The following ZNF618 variants were observed in gnomAD, a reference collection of about 807,000 sequenced individuals.
The protein encoded by ZNF618 is neural precursor cell expressed, developmentally down-regulated 10.
In ZNF618, 34 loss-of-function variants were observed where a neutral mutation model predicts 103.0. The observed-to-expected ratio is 0.33, with a 90% confidence interval of 0.25 to 0.44. ZNF618 has a LOEUF of 0.44. Ranked by LOEUF, ZNF618 falls within the 20% of genes least tolerant of loss-of-function variation. The pLI, the probability that ZNF618 is intolerant of heterozygous loss-of-function variation, is 1.00. For missense variants in ZNF618, 1,059 were observed against 1,295.4 expected (o/e 0.82, Z 2.80); for synonymous variants, 551 against 542.2 (o/e 1.02, Z -0.23).
intron 1 of ZNF618, among the ~76,000 whole-genome samples, chr9:113,895,662 G>A (rs953690217): frequency 6.6e-6 from 1 of 152,114 alleles, no homozygotes; most frequent in African/African-American, 2.4e-5. Flanking sequence ...GTGTTGAGAA[G>A]GATTCTGAGG....
At position 114,045,697 on chromosome 9, in the gene ZNF618, A is replaced by G. The variant is rs183031088; in HGVS notation, c.1247-2196A>G. On this transcript the variant is annotated intron_variant, in intron 13 of 14. Transcript: ENST00000374126. ...TTCTAAATTGTTTTGGCTATTCTGTATCTCTTGCATTTCCATATGAATTTC... is the reference window on the plus strand; with the variant it reads ...TTCTAAATTGTTTTGGCTATTCTGTGTCTCTTGCATTTCCATATGAATTTC... Among the ~76,000 whole-genome samples the G allele has an allele frequency of 1.7e-4, 26 of 152,086 alleles. No individual in the cohort carries two copies. In the East Asian group the frequency reaches 4.8e-3, roughly 28 times the overall value.
At chr9:114,000,469 A>G (rs1841078854) in intron 4 of ZNF618, among the ~76,000 whole-genome samples, 1 of 148,246 alleles carries the variant, frequency 6.7e-6, no homozygotes, top group African/African-American at 2.4e-5. Context: ...TTCTTAAAAC[A>G]TTGTAAGTCT....
chr9:113,938,624 A>G (rs1834259549), intron 1 of ZNF618, among the ~76,000 whole-genome samples: 1 of 140,948 alleles, frequency 7.1e-6, no homozygotes, highest in Non-Finnish European at 1.5e-5. Context: ...GCTAGGGTGC[A>G]GTGGCGCAGT....
rs546962721 is a variant in ZNF618 at position 113,969,340 on chromosome 9, A to G, written c.77+180A>G. Among the ~76,000 whole-genome samples, 10 of 152,350 alleles carry G rather than the reference A, an allele frequency of 6.6e-5. No individual in the cohort carries two copies. In the South Asian group the frequency reaches 1.9e-3, roughly 28 times the overall value. ...TGTGAGGTCATAGAAAGCATTTTCCATGTGGCTACCTGTGACCAGAATCCA... is the reference window on the plus strand; with the variant it reads ...TGTGAGGTCATAGAAAGCATTTTCCGTGTGGCTACCTGTGACCAGAATCCA... On this transcript the variant is annotated intron_variant, in intron 2 of 14. Coordinates refer to ENST00000374126, the MANE Select transcript of ZNF618 (RefSeq NM_001318042.2).
intron 1 of ZNF618, among the ~76,000 whole-genome samples, chr9:113,925,882 A>G (rs1413410099): frequency 1.3e-5 from 2 of 152,084 alleles, no homozygotes; most frequent in African/African-American, 4.8e-5. Context: ...TGGTGTTACT[A>G]TTTTGAACAA....
rs57000343 is a variant in ZNF618, at chr9:113,886,971, CTTTTTTTTTTTT to C, written c.33+10575_33+10586del. Among the ~76,000 whole-genome samples the C allele has an allele frequency of 5.6e-3, 610 of 109,496 alleles. 4 individuals are homozygous for C. Among genetic ancestry groups the C allele is most frequent in the African/African-American group, 0.012 (347 of 27,930 alleles). The allele number at this position is 109,496 out of a possible 152,430, so 71.8% of individuals were successfully genotyped here. A position where few individuals can be genotyped will look rare whatever the true frequency, so the allele number is the denominator to read the frequency against. ...TTCATTGGTTTCTTTTTACTTTCTA[CTTTTTTTTTTTT>C]TTTTTTTTTTTTTTTTAACAATGTG... On this transcript the variant is annotated intron_variant, in intron 1 of 14. Coordinates refer to ENST00000374126, the MANE Select transcript of ZNF618 (RefSeq NM_001318042.2).
chr9:113,936,701 A>G (rs1834056069), intron 1 of ZNF618, among the ~76,000 whole-genome samples: 1 of 152,144 alleles, frequency 6.6e-6, no homozygotes, highest in Admixed American at 6.5e-5. Flanking sequence ...CCCGGCAATA[A>G]TACCAGAACC....
At position 114,048,833 on chromosome 9, in the gene ZNF618, G is replaced by T; in HGVS notation, c.1531G>T (p.Val511Phe). Residue 511 changes from valine to phenylalanine, a missense_variant, in exon 15 of 15, where the codon GTC becomes TTC. Around this residue, in one of 6 missense-constraint regions of ZNF618, gnomAD observed 434 missense variants for 476.0 expected, o/e 0.91. Transcript: ENST00000374126. ...DSGARYGAFS[V>F]TEILGNFNTL... is the part of the protein sequence containing the mutation. ...TGGTGCCCGCTATGGGGCCTTCTCG[G>T]TCACTGAAATCCTGGGCAACTTCAA... is the stretch of plus-strand genomic sequence containing the variant. 1 of 1,611,766 alleles carries T rather than the reference G, an allele frequency of 6.2e-7. No individual in the cohort carries two copies. Among genetic ancestry groups the T allele is most frequent in the Non-Finnish European group, 8.5e-7 (1 of 1,178,850 alleles).
At chr9:113,895,004 ATTATC>A (rs1241414475) in intron 1 of ZNF618, among the ~76,000 whole-genome samples, 3 of 152,110 alleles carry the variant, frequency 2.0e-5, no homozygotes, top group Non-Finnish European at 4.4e-5. Flanking sequence ...GTATTCTTGT[ATTATC>A]TTATTTCTTT....
In ZNF618 at chr9:114,007,348, A is replaced by G; in HGVS notation, c.551-2A>G. On this transcript the variant is annotated splice_acceptor_variant, in intron 6 of 14. Transcript: ENST00000374126. LOFTEE classifies it high-confidence loss of function. ...CCAGGTGTGTGTTTTCATCCCATGCAGACAATTTCAGGTACACATGTGATA... is the reference window on the plus strand; with the variant it reads ...CCAGGTGTGTGTTTTCATCCCATGCGGACAATTTCAGGTACACATGTGATA... 6.2e-7 allele frequency: 1 copy of G among 1,613,512 alleles called. No individual in the cohort carries two copies.
chr9:114,033,276 C>G (rs897227481), intron 12 of ZNF618, among the ~76,000 whole-genome samples: 1 of 152,112 alleles, frequency 6.6e-6, no homozygotes, highest in African/African-American at 2.4e-5. Flanking sequence ...GTCCCAGTTA[C>G]TCAGGAGGCT....
intron 1 of ZNF618, among the ~76,000 whole-genome samples, chr9:113,879,968 G>T (rs1039040617): frequency 6.6e-6 from 1 of 152,028 alleles, no homozygotes; most frequent in Non-Finnish European, 1.5e-5. Context: ...TCAGTATAAG[G>T]CTGACCTCTC....
chr9:113,974,166 G>A (rs1216201774), intron 2 of ZNF618, among the ~76,000 whole-genome samples: 1 of 152,222 alleles, frequency 6.6e-6, no homozygotes, highest in African/African-American at 2.4e-5. Flanking sequence ...AAGTGTTGGG[G>A]GTGGGGAAAG....
At chr9:114,001,894 TG>T in intron 4 of ZNF618, 101 bp from the exon 5 acceptor site, 1 of 1,006,914 alleles carries the variant, frequency 9.9e-7, no homozygotes, top group Non-Finnish European at 1.6e-6. Flanking sequence ...TCTCTGCCCC[TG>T]GGACAGAGAG....
In ZNF618 at chr9:113,988,372, A is replaced by G. The variant is rs1173923441; in HGVS notation, c.129A>G (p.Pro43=). 1.9e-6 allele frequency: 3 copies of G among 1,613,380 alleles called. No individual in the cohort carries two copies. Among genetic ancestry groups the G allele is most frequent in the African/African-American group, 1.3e-5 (1 of 74,946 alleles). Residue 43 remains proline (P), a synonymous_variant, in exon 3 of 15, where the codon CCA becomes CCG. Transcript: ENST00000374126. Reference sequence around the variant, plus strand: ...GCACCAAGGTGGAGGGCCCAGAGCCAGTGCCAGCCGAGGCCTCGCTGAGTG... The same window carrying G: ...GCACCAAGGTGGAGGGCCCAGAGCCGGTGCCAGCCGAGGCCTCGCTGAGTG... The part of the protein sequence containing the change: ...QKSTKVEGPE[P]VPAEASLSAE...
chr9:113,911,393 A>G (rs1030103197), intron 1 of ZNF618, among the ~76,000 whole-genome samples: 1 of 152,024 alleles, frequency 6.6e-6, no homozygotes, highest in Admixed American at 6.6e-5. Flanking sequence ...CAATGGTGCA[A>G]TCTCGGCTCA....
chr9:113,912,013 C>T (rs1023987172), intron 1 of ZNF618, among the ~76,000 whole-genome samples: 3 of 152,178 alleles, frequency 2.0e-5, no homozygotes, highest in Admixed American at 6.5e-5. Context: ...CTGGGCCCCA[C>T]CCCCAGAGAT....
intron 2 of ZNF618, among the ~76,000 whole-genome samples, chr9:113,972,117 T>C (rs1838027048): frequency 6.6e-6 from 1 of 152,178 alleles, no homozygotes; most frequent in Admixed American, 6.5e-5. Context: ...GTGCAATCTC[T>C]GCTCACTGCA....
chr9:114,036,152 C>T (rs1037626991), intron 12 of ZNF618, 148 bp from the exon 13 acceptor site: 6 of 670,730 alleles, frequency 8.9e-6, no homozygotes, highest in South Asian at 1.8e-5. Context: ...GGTCTAGTGA[C>T]GGGGGAGGCA....
Sources: allele counts gnomAD v4.1 joint callset (sites outside exome capture counted in the v4.1 genomes callset), GRCh38; gene constraint gnomAD v4.1.1; regional missense constraint gnomAD v4.1.1; transcripts MANE v1.5; gene names NCBI Gene and HGNC (gene_info 2026-07-23, HGNC 2026-07-21).